The following SYNE2 variants were observed in gnomAD, a reference collection of about 807,000 sequenced individuals.
The protein encoded by SYNE2 is nesprin-2.
In SYNE2, 431 loss-of-function variants were observed where a neutral mutation model predicts 856.3. That is an observed-to-expected ratio of 0.50 (90% CI 0.47 to 0.55). The LOEUF (loss-of-function observed/expected upper bound fraction) is 0.55, where lower values mean the gene tolerates loss of function less well. Among genes scored for constraint, SYNE2 ranks in the 20% least tolerant of loss-of-function variants. The probability of loss-of-function intolerance (pLI) is 0.00; values close to 1 mark genes in which losing one functional copy is unlikely to be tolerated. For synonymous variants in SYNE2, 2,923 were observed against 2,872.3 expected (o/e 1.02, Z -0.56); for missense variants, 8,129 against 8,023.2 (o/e 1.01, Z -0.50).
In SYNE2 at chr14:64,126,315, C is replaced by T. The variant is rs1175752590; in HGVS notation, c.13555-12C>T. ...ATCTTAATTTTCTTTTTCTTTTTTC[C>T]TCTTGATTCAGGAAAATATGACAGA... On this transcript the variant is annotated splice_polypyrimidine_tract_variant and intron_variant, in intron 71 of 115. Coordinates refer to ENST00000555002, the MANE Select transcript of SYNE2 (RefSeq NM_182914.3). The T allele has an allele frequency of 6.2e-7, 1 of 1,611,692 alleles. No individual in the cohort carries two copies. Among genetic ancestry groups the T allele is most frequent in the Non-Finnish European group, 8.5e-7 (1 of 1,178,230 alleles).
intron 1 of SYNE2, among the ~76,000 whole-genome samples, chr14:63,830,840 CTTT>C (rs11427202): frequency 2.8e-5 from 3 of 108,688 alleles, no homozygotes; most frequent in African/African-American, 7.2e-5. Context: ...TGATCCCATT[CTTT>C]TTTTTTTTTT....
intron 97 of SYNE2, among the ~76,000 whole-genome samples, chr14:64,187,365 T>C (rs1025630377): frequency 6.6e-6 from 1 of 152,236 alleles, no homozygotes; most frequent in Non-Finnish European, 1.5e-5. Flanking sequence ...AAATGTTCTT[T>C]TAGAACTTTT....
chr14:63,784,745 G>T (rs1209574917), intron 1 of SYNE2, among the ~76,000 whole-genome samples: 1 of 152,152 alleles, frequency 6.6e-6, no homozygotes, highest in East Asian at 1.9e-4. Flanking sequence ...GCAGAGGCAG[G>T]AGTATCACTT....
Position 64,216,561 on chromosome 14 carries a change from G to A in SYNE2, c.19542+174G>A, listed in dbSNP as rs114377879. 1,256 of 760,338 alleles carry A rather than the reference G, an allele frequency of 1.7e-3. 13 individuals carry two copies. The African/African-American group carries it at 0.019, about 11-fold the overall frequency. 47.1% of individuals were successfully genotyped at this position (760,338 alleles called of 1,614,324 possible). A position where few individuals can be genotyped will look rare whatever the true frequency, so the allele number is the denominator to read the frequency against. ...GCTGTCCATACTTCATTAGAACCCC[G>A]GCAAAACCGATTAGACTTAGAGATA... On this transcript the variant is annotated intron_variant, in intron 108 of 115. Transcript: ENST00000555002.
chr14:64,088,498 C>T (rs1019974361), intron 58 of SYNE2, among the ~76,000 whole-genome samples: 1 of 151,982 alleles, frequency 6.6e-6, no homozygotes, highest in African/African-American at 2.4e-5. Context: ...GTGCCCAGCA[C>T]GGTGGCTCAC....
intron 89 of SYNE2, among the ~76,000 whole-genome samples, chr14:64,164,196 G>A (rs2098355065): frequency 6.6e-6 from 1 of 151,600 alleles, no homozygotes; most frequent in Non-Finnish European, 1.5e-5. Context: ...TGCAAGCTCC[G>A]CCTCCTGGGT....
chr14:64,168,539 T>C (rs2098394549), intron 92 of SYNE2, among the ~76,000 whole-genome samples: 1 of 152,178 alleles, frequency 6.6e-6, no homozygotes, highest in Non-Finnish European at 1.5e-5. Flanking sequence ...TCTTTATACC[T>C]TAGATTCCTC....
At chr14:64,034,858 C>G (rs1411239327) in intron 45 of SYNE2, among the ~76,000 whole-genome samples, 2 of 151,692 alleles carry the variant, frequency 1.3e-5, no homozygotes, top group African/African-American at 2.4e-5. Context: ...TGTCTAATCT[C>G]TTAGGATTTT....
intron 1 of SYNE2, among the ~76,000 whole-genome samples, chr14:63,766,966 G>A (rs557359925): frequency 1.3e-5 from 2 of 152,070 alleles, no homozygotes; most frequent in Non-Finnish European, 2.9e-5. Context: ...TGATTAGAAA[G>A]TTATCATAAA....
chr14:64,109,628 AG>A (rs1352914098), intron 65 of SYNE2, among the ~76,000 whole-genome samples: 2 of 152,164 alleles, frequency 1.3e-5, no homozygotes, highest in African/African-American at 2.4e-5. Flanking sequence ...TTTGCTGGGG[AG>A]GAATTCTTGG....
intron 10 of SYNE2, 81 bp downstream of exon 10, chr14:63,964,081 G>A (rs2096358126): frequency 2.2e-6 from 2 of 890,284 alleles, no homozygotes; most frequent in South Asian, 3.0e-5. Context: ...ACTCTTTCAG[G>A]CTTAAGTATT....
Position 64,010,080 on chromosome 14 carries a change from C to T in SYNE2, c.4692C>T (p.Tyr1564=). 6.2e-7 allele frequency: 1 copy of T among 1,613,684 alleles called. No homozygotes were observed. The highest frequency in any genetic ancestry group is 1.1e-5 in the South Asian group (1 of 90,978). The part of the protein sequence containing the change: ...EESVISLQAS[Y]MGKENLKKRI... ...GTGTCATCTCCCTGCAGGCTTCGTA[C>T]ATGGGAAAGGAGAACCTGAAGAAAA... Residue 1564 remains tyrosine, a synonymous_variant, in exon 32 of 116, where the codon TAC becomes TAT. Coordinates refer to ENST00000555002, the MANE Select transcript of SYNE2 (RefSeq NM_182914.3).
At chr14:63,977,314 A>G (rs1033674328) in intron 12 of SYNE2, among the ~76,000 whole-genome samples, 4 of 151,812 alleles carry the variant, frequency 2.6e-5, no homozygotes, top group African/African-American at 9.7e-5. Context: ...CTGGGTTCAC[A>G]CCATTCTCCT....
chr14:63,993,734 T>C, intron 21 of SYNE2, 101 bp from the exon 22 acceptor site: 1 of 1,046,248 alleles, frequency 9.6e-7, no homozygotes, highest in East Asian at 2.6e-5. Flanking sequence ...CCTTCCCACT[T>C]TACCAGTTAA....
At chr14:63,820,267 A>G (rs1293368637) in intron 1 of SYNE2, among the ~76,000 whole-genome samples, 5 of 152,214 alleles carry the variant, frequency 3.3e-5, no homozygotes, top group South Asian at 4.1e-4. Flanking sequence ...AAACCCATAC[A>G]TATATGGTCT....
At chr14:63,937,350 C>T (rs898492507) in intron 2 of SYNE2, among the ~76,000 whole-genome samples, 1 of 152,154 alleles carries the variant, frequency 6.6e-6, no homozygotes, top group Admixed American at 6.5e-5. Context: ...GCTGTATACT[C>T]ATGGGAATTG....
At chr14:64,009,865 C>T (rs1594835557) in intron 31 of SYNE2, 101 bp from the exon 32 acceptor site, 2 of 1,061,804 alleles carry the variant, frequency 1.9e-6, no homozygotes, top group Non-Finnish European at 2.8e-6. Context: ...GAGGAAAAGT[C>T]CTTTACACCT....
At chr14:64,124,810 C>T (rs1007471097) in intron 70 of SYNE2, among the ~76,000 whole-genome samples, 1 of 151,992 alleles carries the variant, frequency 6.6e-6, no homozygotes, top group African/African-American at 2.4e-5. Context: ...CAAGAATAGC[C>T]TAGCTAACAT....
intron 103 of SYNE2, among the ~76,000 whole-genome samples, chr14:64,211,189 G>A (rs747765601): frequency 1.3e-4 from 20 of 152,170 alleles, no homozygotes; most frequent in Non-Finnish European, 2.1e-4. Context: ...ATGTTGCCCA[G>A]GCTGGTCTCA....
Sources: gnomAD v4.1 joint callset for allele counts (sites outside exome capture counted in the v4.1 genomes callset) on GRCh38, gnomAD v4.1.1 for gene constraint, MANE v1.5 for transcripts, NCBI Gene and HGNC (gene_info 2026-07-23, HGNC 2026-07-21) for gene names.